The following CEP290 variants were observed in gnomAD, a reference collection of about 807,000 sequenced individuals.
The protein encoded by CEP290 is centrosomal protein 290.
In CEP290, 317 loss-of-function variants were observed where a neutral mutation model predicts 344.9. The observed-to-expected ratio is 0.92, with a 90% CI of 0.84 to 1.01. The LOEUF (loss-of-function observed/expected upper bound fraction) is 1.01. Among genes scored for constraint, CEP290 ranks in the 50% least tolerant of loss-of-function variants. CEP290 has a pLI of 0.00. For synonymous variants in CEP290, 932 were observed against 895.8 expected (o/e 1.04, Z -0.72); for missense variants, 2,754 against 2,761.4 (o/e 1.00, Z 0.06).
intron 5 of CEP290, 35 bp downstream of exon 5, chr12:88,139,110 G>A: frequency 1.9e-6 from 2 of 1,074,014 alleles, no homozygotes; most frequent in Non-Finnish European, 1.4e-6. Context: ...TAAAATTAAT[G>A]ACAATTACAT....
intron 36 of CEP290, 23 bp from the exon 37 acceptor site, chr12:88,083,253 C>A (rs2036325587): frequency 7.6e-7 from 1 of 1,323,010 alleles, no homozygotes; most frequent in Non-Finnish European, 1.0e-6. Flanking sequence ...AATATATTAG[C>A]AATAGGCATG....
At chr12:88,060,044 A>G (rs1439339168) in intron 47 of CEP290, 24 bp from the exon 48 acceptor site, 4 of 1,481,974 alleles carry the variant, frequency 2.7e-6, no homozygotes, top group Non-Finnish European at 3.6e-6. Context: ...AAACAAAATA[A>G]AAAGTATACA....
intron 6 of CEP290, chr12:88,135,811 A>G (rs1200886620): frequency 6.6e-6 from 1 of 152,144 alleles, no homozygotes; most frequent in Admixed American, 6.6e-5. Context: ...ACAAAGGTGG[A>G]AAACGTTTCT....
chr12:88,070,243 G>A (rs531682990), intron 43 of CEP290, among the ~76,000 whole-genome samples: 1 of 152,294 alleles, frequency 6.6e-6, no homozygotes, highest in South Asian at 2.1e-4. Context: ...ACTTTGCAAA[G>A]GAGTAGAAGG....
In CEP290 at chr12:88,092,732, C is replaced by T. The variant is rs774900495; in HGVS notation, c.3410G>A (p.Arg1137Gln). 3.4e-5 allele frequency: 54 copies of T among 1,609,690 alleles called. No homozygotes were observed. Among genetic ancestry groups the T allele is most frequent in the South Asian group, 2.0e-4 (18 of 90,226 alleles). ...TTCATTCTTCTCTAATTCTAGAATC[C>T]GTTGCCTATCAGCATCACTTACTGC... ...SKAVSDADRQ[R>Q]ILELEKNEME... The change falls in exon 29 of 54, where the codon CGG (arginine) becomes CAG (glutamine). Residue 1137 changes from arginine to glutamine, a missense_variant. Coordinates refer to ENST00000552810, the MANE Select transcript of CEP290 (RefSeq NM_025114.4).
chr12:88,123,743 T>C (rs1038018903), intron 13 of CEP290, among the ~76,000 whole-genome samples: 2 of 152,100 alleles, frequency 1.3e-5, no homozygotes, highest in Non-Finnish European at 2.9e-5. Flanking sequence ...TTAGCCTAGA[T>C]TGTTGTCCTA....
At chr12:88,078,088 C>T (rs2035919111) in intron 39 of CEP290, among the ~76,000 whole-genome samples, 170 bp from the exon 40 acceptor site, 1 of 147,230 alleles carries the variant, frequency 6.8e-6, no homozygotes, top group African/African-American at 2.5e-5. Context: ...ATATTCATGT[C>T]AAGTCTACCT....
intron 27 of CEP290, among the ~76,000 whole-genome samples, chr12:88,095,504 T>C (rs2037363025): frequency 6.6e-6 from 1 of 152,174 alleles, no homozygotes. Context: ...AAAAAGAACC[T>C]ACTAAAATTG....
intron 52 of CEP290, among the ~76,000 whole-genome samples, chr12:88,052,162 A>G (rs930915984): frequency 2.0e-5 from 3 of 152,236 alleles, no homozygotes; most frequent in African/African-American, 7.2e-5. Context: ...TAGTAATAGG[A>G]CTACATAGCA....
In CEP290 at chr12:88,063,976, T is replaced by C; in HGVS notation, c.6270+5A>G. On this transcript the variant is annotated splice_donor_5th_base_variant and intron_variant, in intron 45 of 53. Transcript: ENST00000552810. The stretch of plus-strand genomic sequence containing the variant: ...AGATTTCCTAATAAAAAACATTAAA[T>C]TCACCTTTAATCTTGGCAAATCTTT... The C allele has an allele frequency of 6.3e-7, 1 of 1,585,466 alleles. No homozygotes were observed. The highest frequency in any genetic ancestry group is 2.3e-5 in the East Asian group (1 of 44,388).
rs200666995 is a variant in CEP290, at chr12:88,139,202, A to T, written c.251-11T>A. ...TTTTTAATTGATTTTCTATTTTTTT[A>T]AAAAAAAAGAAAAACGTTTTAATTG... is the stretch of plus-strand genomic sequence containing the variant. On this transcript the variant is annotated splice_polypyrimidine_tract_variant and intron_variant, in intron 4 of 53. Transcript: ENST00000552810. The T allele has an allele frequency of 2.4e-3, 2,338 of 982,320 alleles. 8 individuals carry two copies. Among genetic ancestry groups the T allele is most frequent in the Middle Eastern group, 3.0e-3 (13 of 4,406 alleles). 60.9% of individuals were successfully genotyped at this position (982,320 alleles called of 1,614,324 possible).
Position 88,089,232 on chromosome 12 carries a change from C to A in CEP290, c.3829G>T (p.Ala1277Ser). 1 of 1,613,762 alleles carries A rather than the reference C, an allele frequency of 6.2e-7. No homozygotes were observed. The highest frequency in any genetic ancestry group is 1.1e-5 in the South Asian group (1 of 91,052). The change falls in exon 31 of 54, where the codon GCT becomes TCT. Residue 1277 changes from alanine (A) to serine (S), a missense_variant. By Grantham distance (99) the Ala-to-Ser change is moderately conservative. Transcript: ENST00000552810. Reference protein sequence around the residue: ...IQSLRRQFSGALPLAQQEKFS... With the variant: ...IQSLRRQFSGSLPLAQQEKFS... ...TTTTCCTGTTGTGCCAAGGGTAAAG[C>A]TCCACTAAACTGTCGTCGTAGAGAC... is the stretch of plus-strand genomic sequence containing the variant.
chr12:88,066,505 C>G (rs544799284), intron 44 of CEP290, among the ~76,000 whole-genome samples: 1 of 148,552 alleles, frequency 6.7e-6, no homozygotes, highest in Non-Finnish European at 1.5e-5. Flanking sequence ...GAGATGGGGT[C>G]TCTCAAGGCT....
chr12:88,138,504 C>T (rs919717243), intron 5 of CEP290, among the ~76,000 whole-genome samples: 4 of 152,276 alleles, frequency 2.6e-5, no homozygotes, highest in African/African-American at 7.2e-5. Flanking sequence ...CCCAACTCTC[C>T]AGTCCTGTCT....
Position 88,058,973 on chromosome 12 carries a change from C to T in CEP290, c.6693G>A (p.Glu2231=), listed in dbSNP as rs2136706174. Residue 2231 remains glutamate (E), a synonymous_variant, in exon 49 of 54, where the codon GAG becomes GAA. Transcript: ENST00000552810. ...GAACTGTCATCTTCTCATTTAATAT[C>T]TCTAAATTATTCTTTGCTATCCGTA... ...EKLRIAKNNL[E]ILNEKMTVQL... 2 of 1,613,124 alleles carry T rather than the reference C, an allele frequency of 1.2e-6. No homozygotes were observed. Among genetic ancestry groups the T allele is most frequent in the Non-Finnish European group, 1.7e-6 (2 of 1,179,526 alleles).
intron 27 of CEP290, among the ~76,000 whole-genome samples, chr12:88,094,678 G>C (rs1361776790): frequency 3.3e-5 from 5 of 151,878 alleles, no homozygotes; most frequent in African/African-American, 1.2e-4. Context: ...TTTGAGGGGG[G>C]GGGAAGAAAA....
At position 88,129,715 on chromosome 12, in the gene CEP290, T is replaced by C; in HGVS notation, c.831A>G (p.Glu277=). The change falls in exon 10 of 54, where the codon GAA becomes GAG. Residue 277 remains glutamate (E), a synonymous_variant. Coordinates refer to ENST00000552810, the MANE Select transcript of CEP290 (RefSeq NM_025114.4). ...TDNVIDQLKK[E]NDHYQLQVQE... The stretch of plus-strand genomic sequence containing the variant: ...TTACTTGAAGTTGATAATGATCGTT[T>C]TCTTTTTTTAACTGATCTATTACAT... 1 of 1,450,552 alleles carries C rather than the reference T, an allele frequency of 6.9e-7. No homozygotes were observed. Among genetic ancestry groups the C allele is most frequent in the Admixed American group, 2.4e-5 (1 of 41,346 alleles). The allele number at this position is 1,450,552 out of a possible 1,614,324, so 89.9% of individuals were successfully genotyped here.
At position 88,093,841 on chromosome 12, in the gene CEP290, A is replaced by C. The variant is rs750466529; in HGVS notation, c.3238T>G (p.Tyr1080Asp). ...TTTAACGAAGTCCGTAAGTGTTCAT[A>C]CATTTTTTGACAATGTTCAGCCCGC... is the stretch of plus-strand genomic sequence containing the variant. ...RQRAEHCQKM[Y>D]EHLRTSLKQM... The change falls in exon 28 of 54, where the codon TAT (tyrosine) becomes GAT (aspartate). Residue 1080 changes from tyrosine (Y) to aspartate (D), a missense_variant. By Grantham distance (160) the Tyr-to-Asp change is radical. Transcript: ENST00000552810. 4 of 1,612,812 alleles carry C rather than the reference A, an allele frequency of 2.5e-6. No homozygotes were observed. In the African/African-American group the frequency reaches 4.0e-5, roughly 16 times the overall value.
chr12:88,071,764 A>C lies in CEP290; in HGVS notation c.5855+17T>G. ...GATTTTACACATAATTAGTTTTATA[A>C]TGATATTTAAACTCACTTGGCAAAA... is the stretch of plus-strand genomic sequence containing the variant. On this transcript the variant is annotated intron_variant, in intron 42 of 53. Transcript: ENST00000552810. The C allele has an allele frequency of 6.4e-7, 1 of 1,559,390 alleles. No homozygotes were observed. Among genetic ancestry groups the C allele is most frequent in the Non-Finnish European group, 8.7e-7 (1 of 1,154,642 alleles).
Sources: gnomAD v4.1 joint callset for allele counts (sites outside exome capture counted in the v4.1 genomes callset) on GRCh38, gnomAD v4.1.1 for gene constraint, MANE v1.5 for transcripts, NCBI Gene and HGNC (gene_info 2026-07-23, HGNC 2026-07-21) for gene names.